FREM2: variants seen among roughly 807,000 people sequenced by gnomAD.
FREM2 encodes FRAS1 related extracellular matrix 2.
Under a neutral mutation model 219.9 loss-of-function variants are expected in FREM2, and 119 were observed. The ratio of observed to expected loss-of-function variants is 0.54; its 90% CI spans 0.47 to 0.63. FREM2 has a LOEUF of 0.63. FREM2 is among the 30% of genes least tolerant of loss of function. The pLI is 0.00. For missense variants in FREM2, 4,030 were observed against 3,993.6 expected (o/e 1.01, Z -0.25); for synonymous variants, 1,562 against 1,522.8 (o/e 1.03, Z -0.60).
At chr13:38,857,722 T>C (rs371280562) in intron 12 of FREM2, among the ~76,000 whole-genome samples, 153 bp from the exon 13 acceptor site, 183 of 152,306 alleles carry the variant, frequency 1.2e-3, no homozygotes, top group African/African-American at 4.3e-3. Flanking sequence ...GCAGGCCACT[T>C]AGGGCCTGTT....
rs543392888 is a variant in FREM2 at position 38,825,924 on chromosome 13, T to A, written c.6020-20649T>A. On this transcript the variant is annotated intron_variant, in intron 6 of 23. Transcript: ENST00000280481. ...TATTCTCTATAAATGAAAATACACG[T>A]TCAAATGATTAAACAAGTTGTTCTC... 5.0e-4 allele frequency among the ~76,000 whole-genome samples: 76 copies of A among 152,270 alleles called. 1 individual carries two copies. The highest frequency in any genetic ancestry group is 1.7e-3 in the African/African-American group (69 of 41,574).
At chr13:38,707,133 G>A (rs1870574066) in intron 2 of FREM2, among the ~76,000 whole-genome samples, 1 of 152,122 alleles carries the variant, frequency 6.6e-6, no homozygotes, top group Admixed American at 6.6e-5. Flanking sequence ...AAATTGCCAA[G>A]TGGCTGCATA....
intron 6 of FREM2, among the ~76,000 whole-genome samples, chr13:38,798,444 C>T (rs1226264580): frequency 2.6e-5 from 4 of 151,858 alleles, no homozygotes; most frequent in African/African-American, 7.3e-5. Flanking sequence ...TTGTTGTGTC[C>T]TTATTTGGTT....
At position 38,687,573 on chromosome 13, in the gene FREM2, C is replaced by T. The variant is rs1300117242; in HGVS notation, c.229C>T (p.Arg77Cys). ...PAEEAIVLAN[R>C]GLRVPFGREV... ...TGAGGAGGCCATAGTGCTGGCGAAC[C>T]GCGGACTCCGGGTGCCTTTCGGCCG... Residue 77 changes from arginine to cysteine, a missense_variant, in exon 1 of 24, where the codon CGC (arginine) becomes TGC (cysteine). Physicochemically the swap from Arg to Cys is radical, Grantham distance 180. Around this residue, in one of 2 missense-constraint regions of FREM2, gnomAD observed 3,102 missense variants for 2,950.7 expected, o/e 1.05. Coordinates refer to ENST00000280481, the MANE Select transcript of FREM2 (RefSeq NM_207361.6). The T allele has an allele frequency of 6.2e-7, 1 of 1,603,664 alleles. No individual in the cohort carries two copies. Among genetic ancestry groups the T allele is most frequent in the African/African-American group, 1.3e-5 (1 of 74,792 alleles).
intron 4 of FREM2, among the ~76,000 whole-genome samples, chr13:38,774,828 T>C (rs1212666609): frequency 6.6e-6 from 1 of 152,218 alleles, no homozygotes. Flanking sequence ...AGATACTTAG[T>C]ACAGGTACCT....
Position 38,692,462 on chromosome 13 carries a change from T to A in FREM2, c.5118T>A (p.His1706Gln), listed in dbSNP as rs753551864. 6.2e-7 allele frequency: 1 copy of A among 1,613,750 alleles called. No homozygotes were observed. The highest frequency in any genetic ancestry group is 8.5e-7 in the Non-Finnish European group (1 of 1,179,958). ...LRFIVTEAPQ[H>Q]GYLLNLDKGN... ...TTATCGTGACAGAGGCCCCTCAACA[T>A]GGATATCTTCTCAACCTGGACAAAG... Residue 1706 changes from histidine (H) to glutamine (Q), a missense_variant, in exon 1 of 24, where the codon CAT becomes CAA. Physicochemically the swap from His to Gln is conservative, Grantham distance 24. Transcript: ENST00000280481.
At chr13:38,699,640 A>G (rs1870261976) in intron 2 of FREM2, among the ~76,000 whole-genome samples, 1 of 152,042 alleles carries the variant, frequency 6.6e-6, no homozygotes. Flanking sequence ...CTGGCATAAC[A>G]TTACCTATGG....
intron 2 of FREM2, among the ~76,000 whole-genome samples, chr13:38,708,135 C>G (rs1870611777): frequency 6.6e-6 from 1 of 152,134 alleles, no homozygotes; most frequent in Non-Finnish European, 1.5e-5. Context: ...TTCATGTTAG[C>G]CATTGACCCC....
At chr13:38,756,226 C>T (rs867770425) in intron 2 of FREM2, among the ~76,000 whole-genome samples, 2 of 152,168 alleles carry the variant, frequency 1.3e-5, no homozygotes, top group Middle Eastern at 3.2e-3. Flanking sequence ...GTTACGTTTC[C>T]GTAAAATCAC....
At chr13:38,846,350 ATGTTTTATTAGGCACTTTAC>A (rs2137906399) in intron 6 of FREM2, among the ~76,000 whole-genome samples, 1 of 152,284 alleles carries the variant, frequency 6.6e-6, no homozygotes, top group Non-Finnish European at 1.5e-5. Flanking sequence ...CAAGATGAGA[ATGTTTTATTAGGCACTTTAC>A]TGTGTGTATG....
At chr13:38,699,351 G>C (rs1175718042) in intron 2 of FREM2, among the ~76,000 whole-genome samples, 1 of 152,050 alleles carries the variant, frequency 6.6e-6, no homozygotes, top group African/African-American at 2.4e-5. Flanking sequence ...CCTTACCTGG[G>C]TGGAATGGTA....
intron 2 of FREM2, among the ~76,000 whole-genome samples, chr13:38,749,458 G>T (rs1158131645): frequency 1.3e-5 from 2 of 152,114 alleles, no homozygotes; most frequent in African/African-American, 4.8e-5. Flanking sequence ...ACCAAGAAAA[G>T]TCAGATCATA....
chr13:38,868,372 C>T (rs1878043103), intron 16 of FREM2, among the ~76,000 whole-genome samples: 1 of 152,210 alleles, frequency 6.6e-6, no homozygotes, highest in South Asian at 2.1e-4. Context: ...TATATTTCCA[C>T]TCATTCTAGC....
At chr13:38,827,993 A>T (rs1876359890) in intron 6 of FREM2, among the ~76,000 whole-genome samples, 1 of 152,174 alleles carries the variant, frequency 6.6e-6, no homozygotes, top group African/African-American at 2.4e-5. Context: ...TTATTACATG[A>T]GTACCAAGAA....
rs34182165 is a variant in FREM2, at chr13:38,856,045, T to TAAA, written c.6926-61_6926-59dup. On this transcript the variant is annotated intron_variant, in intron 11 of 23. Coordinates refer to ENST00000280481, the MANE Select transcript of FREM2 (RefSeq NM_207361.6). ...ATGTATTTCTCATTGTAGGCCACAG[T>TAAA]AAAAAAAAAAAAAAAAAAAAAATAG... 193 of 602,010 alleles carry TAAA rather than the reference T, an allele frequency of 3.2e-4. 11 individuals carry two copies. The highest frequency in any genetic ancestry group is 4.0e-4 in the Non-Finnish European group (150 of 377,048). 37.3% of individuals were successfully genotyped at this position (602,010 alleles called of 1,614,324 possible).
chr13:38,846,945 G>T (rs1877180649), intron 7 of FREM2, among the ~76,000 whole-genome samples: 1 of 152,052 alleles, frequency 6.6e-6, no homozygotes, highest in African/African-American at 2.4e-5. Context: ...CAAACGTTAA[G>T]ACTCAAAGGA....
In FREM2 at chr13:38,881,164, G is replaced by T; in HGVS notation, c.*377G>T. On this transcript the variant is annotated 3_prime_UTR_variant, in exon 24 of 24. Coordinates refer to ENST00000280481, the MANE Select transcript of FREM2 (RefSeq NM_207361.6). ...CTGTTGCTATGTTAGTGTGAATGTT[G>T]AAGGTGCAATTATCACATTGTTTAT... The T allele has an allele frequency of 6.7e-6, 2 of 299,858 alleles. No homozygotes were observed. The highest frequency in any genetic ancestry group is 1.3e-5 in the Non-Finnish European group (2 of 156,700). 18.6% of individuals were successfully genotyped at this position (299,858 alleles called of 1,614,324 possible). A position where few individuals can be genotyped will look rare whatever the true frequency, so the allele number is the denominator to read the frequency against.
chr13:38,719,783 T>G (rs1871150986), intron 2 of FREM2, among the ~76,000 whole-genome samples: 1 of 152,216 alleles, frequency 6.6e-6, no homozygotes, highest in Admixed American at 6.5e-5. Flanking sequence ...TCACCCTACT[T>G]GTTGGATATG....
chr13:38,801,570 T>A (rs920929560), intron 6 of FREM2, among the ~76,000 whole-genome samples: 1 of 152,226 alleles, frequency 6.6e-6, no homozygotes, highest in African/African-American at 2.4e-5. Flanking sequence ...TGCAGTAGTG[T>A]AATATTCATA....
Sources: allele counts gnomAD v4.1 joint callset (sites outside exome capture counted in the v4.1 genomes callset), GRCh38; gene constraint gnomAD v4.1.1; regional missense constraint gnomAD v4.1.1; transcripts MANE v1.5; gene names NCBI Gene and HGNC (gene_info 2026-07-23, HGNC 2026-07-21).